The following PID1 variants were observed in gnomAD, a reference collection of about 807,000 sequenced individuals.
PID1 encodes phosphotyrosine interaction domain containing 1, also known as PTB-containing, cubilin and LRP1-interacting protein.
In PID1, 10 loss-of-function variants were observed where a neutral mutation model predicts 19.1. The ratio of observed to expected loss-of-function variants is 0.52; its 90% confidence interval spans 0.32 to 0.89. The LOEUF is 0.89. PID1 is among the 40% of genes least tolerant of loss of function. The pLI is 0.03. For synonymous variants in PID1, 130 were observed against 116.0 expected, an observed-to-expected ratio of 1.12 and a Z score of -0.78; for missense variants, 248 against 285.3, an observed-to-expected ratio of 0.87 and a Z score of 0.94.
At chr2:229,176,114 T>C (rs954469232) in intron 1 of PID1, among the ~76,000 whole-genome samples, 1 of 152,094 alleles carries the variant, frequency 6.6e-6, no homozygotes, top group East Asian at 1.9e-4. Flanking sequence ...TCATGAAATT[T>C]AGATTTCTAC....
At chr2:229,099,229 T>G (rs1206401936) in intron 2 of PID1, among the ~76,000 whole-genome samples, 1 of 152,236 alleles carries the variant, frequency 6.6e-6, no homozygotes, top group East Asian at 1.9e-4. Flanking sequence ...TTTCAAACAG[T>G]AGAAAAATTT....
intron 2 of PID1, among the ~76,000 whole-genome samples, chr2:229,059,610 G>A (rs58195959): frequency 0.022 from 3,292 of 152,232 alleles, 115 homozygotes; most frequent in African/African-American, 0.076. Context: ...ACCCAGCTAT[G>A]ATACAGGAAT....
chr2:229,038,526 G>A lies in PID1; in HGVS notation c.178-12418C>T, dbSNP rs1432436813. Among the ~76,000 whole-genome samples the A allele has an allele frequency of 2.0e-5, 3 of 152,150 alleles. No individual in the cohort carries two copies. In the East Asian group the frequency reaches 5.8e-4, roughly 29 times the overall value. On this transcript the variant is annotated intron_variant, in intron 2 of 2. Coordinates refer to ENST00000392055, the MANE Select transcript of PID1 (RefSeq NM_001100818.2). ...ACAGATTACTGGTTGTCAGGGATTA[G>A]GGGCAGGGACTACTTTTATTTATAA...
Position 229,093,132 on chromosome 2 carries a change from C to CTT in PID1, c.177+62684_177+62685dup, listed in dbSNP as rs1011657647. Among the ~76,000 whole-genome samples, 23 of 58,028 alleles carry CTT rather than the reference C, an allele frequency of 4.0e-4. 1 individual carries two copies. In the South Asian group the frequency reaches 0.021, roughly 54 times the overall value. 38.1% of individuals were successfully genotyped at this position (58,028 alleles called of 152,430 possible). A position where few individuals can be genotyped will look rare whatever the true frequency, so the allele number is the denominator to read the frequency against. ...TCTGGTCTGGTCTTTCTTTCTTTTT[C>CTT]TTTTTCTTTTTTTTTTTTGAGATGG... On this transcript the variant is annotated intron_variant, in intron 2 of 2. Coordinates refer to ENST00000392055, the MANE Select transcript of PID1 (RefSeq NM_001100818.2).
At chr2:229,252,688 A>G (rs1239349131) in intron 1 of PID1, among the ~76,000 whole-genome samples, 1 of 152,124 alleles carries the variant, frequency 6.6e-6, no homozygotes, top group African/African-American at 2.4e-5. Context: ...GAGCTGTATC[A>G]CTCAGTCTGT....
chr2:229,191,699 T>C (rs924927095), intron 1 of PID1, among the ~76,000 whole-genome samples: 10 of 152,208 alleles, frequency 6.6e-5, no homozygotes, highest in Non-Finnish European at 5.9e-5. Flanking sequence ...CTATGCAATA[T>C]GTGAATCAGC....
intron 1 of PID1, among the ~76,000 whole-genome samples, chr2:229,170,301 T>C (rs747294112): frequency 5.9e-5 from 9 of 152,174 alleles, no homozygotes; most frequent in Non-Finnish European, 1.2e-4. Flanking sequence ...ACAAGGATGT[T>C]GTTATTTACC....
chr2:229,144,051 T>C (rs1042536769), intron 2 of PID1, among the ~76,000 whole-genome samples: 5 of 152,154 alleles, frequency 3.3e-5, no homozygotes, highest in African/African-American at 9.7e-5. Flanking sequence ...TAGAAGTCAA[T>C]GGTTAGTGCC....
intron 1 of PID1, among the ~76,000 whole-genome samples, chr2:229,239,603 T>A (rs1262568930): frequency 6.6e-6 from 1 of 152,114 alleles, no homozygotes; most frequent in African/African-American, 2.4e-5. Flanking sequence ...AAGAAAAAAA[T>A]TTCACAATAA....
intron 1 of PID1, among the ~76,000 whole-genome samples, chr2:229,161,589 T>C (rs1420356100): frequency 1.3e-5 from 2 of 152,254 alleles, no homozygotes; most frequent in African/African-American, 2.4e-5. Context: ...GTTATCTCTT[T>C]TTTAAAAAAG....
chr2:229,118,809 T>C (rs1695460604), intron 2 of PID1, among the ~76,000 whole-genome samples: 1 of 152,252 alleles, frequency 6.6e-6, no homozygotes, highest in Admixed American at 6.5e-5. Flanking sequence ...GCCAATGAAG[T>C]GCTGTCTTTT....
At chr2:229,261,754 G>C (rs1235695344) in intron 1 of PID1, among the ~76,000 whole-genome samples, 3 of 152,196 alleles carry the variant, frequency 2.0e-5, no homozygotes, top group Non-Finnish European at 4.4e-5. Context: ...TTCACTCTCA[G>C]AAAGAGACAC....
chr2:229,248,763 A>AT (rs202178326), intron 1 of PID1, among the ~76,000 whole-genome samples: 4 of 151,354 alleles, frequency 2.6e-5, no homozygotes, highest in Non-Finnish European at 4.4e-5. Context: ...TCATAGACTT[A>AT]TTTTTTTTTA....
chr2:229,055,443 A>C (rs1314691598), intron 2 of PID1, among the ~76,000 whole-genome samples: 3 of 152,200 alleles, frequency 2.0e-5, no homozygotes, highest in Middle Eastern at 3.2e-3. Context: ...GGAGAAAACT[A>C]AAAGATAAGC....
rs1286340901 is a variant in PID1, at chr2:229,193,402, C to T, written c.31-37438G>A. On this transcript the variant is annotated intron_variant, in intron 1 of 2. Coordinates refer to ENST00000392055, the MANE Select transcript of PID1 (RefSeq NM_001100818.2). ...AGCTGATGCTGCTCTAAGGCTTGTT[C>T]TGAGCTAACATCAGTCTCAGAAAAT... Among the ~76,000 whole-genome samples, 8 of 152,272 alleles carry T rather than the reference C, an allele frequency of 5.3e-5. No homozygotes were observed. In the East Asian group the frequency reaches 1.5e-3, roughly 29 times the overall value.
At chr2:229,100,994 C>T (rs185555435) in intron 2 of PID1, among the ~76,000 whole-genome samples, 1 of 152,326 alleles carries the variant, frequency 6.6e-6, no homozygotes, top group East Asian at 1.9e-4. Context: ...AATACATCTT[C>T]AAGTAGTCTG....
At chr2:229,027,546 AG>A (rs781150608) in intron 2 of PID1, among the ~76,000 whole-genome samples, 1 of 152,216 alleles carries the variant, frequency 6.6e-6, no homozygotes, top group African/African-American at 2.4e-5. Flanking sequence ...TGGAAAGGGC[AG>A]GAAGGGGAAC....
intron 2 of PID1, among the ~76,000 whole-genome samples, chr2:229,136,615 T>G (rs1190416144): frequency 6.6e-6 from 1 of 152,176 alleles, no homozygotes; most frequent in Non-Finnish European, 1.5e-5. Flanking sequence ...TTTACTGAAT[T>G]AAGGATAATG....
Position 229,136,869 on chromosome 2 carries a change from C to T in PID1, c.177+18949G>A, listed in dbSNP as rs148084513. Among the ~76,000 whole-genome samples the T allele has an allele frequency of 4.6e-5, 7 of 152,234 alleles. No homozygotes were observed. In the East Asian group the frequency reaches 1.2e-3, roughly 25 times the overall value. On this transcript the variant is annotated intron_variant, in intron 2 of 2. Transcript: ENST00000392055. ...GATGGAGAACACTAAGTAGCAGGTT[C>T]ATATATTCTATGCCAATACTTACCA... is the stretch of plus-strand genomic sequence containing the variant.
Sources: allele counts gnomAD v4.1 joint callset (sites outside exome capture counted in the v4.1 genomes callset), GRCh38; gene constraint gnomAD v4.1.1; transcripts MANE v1.5; gene names NCBI Gene and HGNC (gene_info 2026-07-23, HGNC 2026-07-21).